DOCK3: variants seen among roughly 807,000 people sequenced by gnomAD.
The protein encoded by DOCK3 is dedicator of cytokinesis 3.
DOCK3 carries 60 observed loss-of-function variants against 265.6 expected under a neutral mutation model. The observed-to-expected ratio is 0.23, with a 90% confidence interval of 0.18 to 0.28. The LOEUF (loss-of-function observed/expected upper bound fraction) is 0.28. DOCK3 is among the 10% of genes least tolerant of loss of function. The pLI, the probability that DOCK3 is intolerant of heterozygous loss-of-function variation, is 1.00. For synonymous variants in DOCK3, 881 were observed against 938.0 expected, an observed-to-expected ratio of 0.94 and a Z score of 1.11; for missense variants, 1,981 against 2,594.3, an observed-to-expected ratio of 0.76 and a Z score of 5.14.
chr3:51,127,479 G>C (rs9841339), intron 9 of DOCK3, among the ~76,000 whole-genome samples: 1 of 152,172 alleles, frequency 6.6e-6, no homozygotes, highest in Non-Finnish European at 1.5e-5. Context: ...AACCGGAAAC[G>C]TACCAATCCC....
At chr3:50,847,882 CAA>C (rs3043428) in intron 3 of DOCK3, among the ~76,000 whole-genome samples, 322 of 97,612 alleles carry the variant, frequency 3.3e-3, no homozygotes, top group Non-Finnish European at 5.2e-3. Context: ...GGCTCCATTT[CAA>C]AAAAAAAAAA....
intron 33 of DOCK3, among the ~76,000 whole-genome samples, chr3:51,332,094 A>G (rs975174963): frequency 6.6e-6 from 1 of 152,236 alleles, no homozygotes; most frequent in Non-Finnish European, 1.5e-5. Flanking sequence ...TAGCAGCAGC[A>G]TTAACAGCAG....
chr3:51,154,361 G>T (rs551639208), intron 10 of DOCK3, among the ~76,000 whole-genome samples: 1 of 152,312 alleles, frequency 6.6e-6, no homozygotes, highest in African/African-American at 2.4e-5. Flanking sequence ...ACCCATGATG[G>T]CGGTTAAGGG....
At chr3:51,376,917 G>T (rs146150957) in intron 51 of DOCK3, among the ~76,000 whole-genome samples, 10 of 152,354 alleles carry the variant, frequency 6.6e-5, no homozygotes, top group African/African-American at 2.4e-4. Flanking sequence ...CTTCAAGGTC[G>T]TATATCCCGA....
intron 6 of DOCK3, among the ~76,000 whole-genome samples, chr3:51,072,704 A>G (rs1171779819): frequency 1.4e-4 from 21 of 151,938 alleles, no homozygotes; most frequent in Admixed American, 1.4e-3. Context: ...CATGGCGCTC[A>G]GCTGAAAACA....
intron 2 of DOCK3, among the ~76,000 whole-genome samples, chr3:50,822,828 T>C (rs2044522348): frequency 6.6e-6 from 1 of 152,192 alleles, no homozygotes; most frequent in Admixed American, 6.5e-5. Flanking sequence ...TACTTTACTT[T>C]GGTGGATAAA....
chr3:50,721,160 T>C (rs905156288), intron 1 of DOCK3, among the ~76,000 whole-genome samples: 5 of 152,194 alleles, frequency 3.3e-5, no homozygotes, highest in Non-Finnish European at 7.3e-5. Context: ...TTGTTTATTC[T>C]GTTGATAGTT....
intron 5 of DOCK3, among the ~76,000 whole-genome samples, chr3:51,009,170 T>G (rs901247649): frequency 1.1e-4 from 17 of 152,214 alleles, no homozygotes; most frequent in Non-Finnish European, 2.2e-4. Context: ...TTCTATTGAT[T>G]GGAATAGTTT....
At chr3:51,192,275 AG>A (rs1331912863) in intron 12 of DOCK3, among the ~76,000 whole-genome samples, 1 of 151,628 alleles carries the variant, frequency 6.6e-6, no homozygotes, top group East Asian at 2.0e-4. Flanking sequence ...GGTGAGAAAT[AG>A]GTGTCCTGTT....
At position 51,331,406 on chromosome 3, in the gene DOCK3, G is replaced by A. The variant is rs929333852; in HGVS notation, c.3488+1183G>A. Among the ~76,000 whole-genome samples, 12 of 152,092 alleles carry A rather than the reference G, an allele frequency of 7.9e-5. No homozygotes were observed. In the South Asian group the frequency reaches 2.3e-3, roughly 29 times the overall value. The stretch of plus-strand genomic sequence containing the variant: ...CCACTAACAAATGACTACTACAAAG[G>A]AAAAAGTACAAAAATAATCTGTAAT... On this transcript the variant is annotated intron_variant, in intron 33 of 52. Coordinates refer to ENST00000266037, the MANE Select transcript of DOCK3 (RefSeq NM_004947.5).
At chr3:51,363,776 G>A (rs888134226) in intron 49 of DOCK3, among the ~76,000 whole-genome samples, 6 of 152,252 alleles carry the variant, frequency 3.9e-5, no homozygotes, top group Non-Finnish European at 7.3e-5. Flanking sequence ...TCAGAATGAT[G>A]GATTCCAGCT....
intron 2 of DOCK3, among the ~76,000 whole-genome samples, chr3:50,785,325 A>T (rs982203135): frequency 1.3e-5 from 2 of 151,990 alleles, no homozygotes; most frequent in Non-Finnish European, 2.9e-5. Context: ...CTCTTGTCTG[A>T]TTGCTGTGGC....
intron 4 of DOCK3, chr3:50,901,774 G>T (rs1022055533): frequency 3.5e-5 from 15 of 432,752 alleles, no homozygotes; most frequent in African/African-American, 2.6e-4. Flanking sequence ...ACCCTACCCT[G>T]CTTCAGCTCT....
At chr3:50,817,732 T>A (rs1269708768) in intron 2 of DOCK3, among the ~76,000 whole-genome samples, 3 of 152,024 alleles carry the variant, frequency 2.0e-5, no homozygotes, top group Non-Finnish European at 4.4e-5. Flanking sequence ...TTCCTCTGAG[T>A]CTCCTTTTTC....
intron 5 of DOCK3, among the ~76,000 whole-genome samples, chr3:50,956,901 C>T (rs1041649056): frequency 6.6e-6 from 1 of 152,044 alleles, no homozygotes; most frequent in Non-Finnish European, 1.5e-5. Flanking sequence ...CTTGCTTTGT[C>T]GCCCAGGCTG....
intron 1 of DOCK3, chr3:50,719,800 ACT>A (rs1455387792): frequency 1.8e-5 from 15 of 821,164 alleles, no homozygotes; most frequent in Non-Finnish European, 3.0e-5. Flanking sequence ...TGACACATAA[ACT>A]CTGGAATAAT....
chr3:50,856,712 T>A (rs1379793933), intron 3 of DOCK3, among the ~76,000 whole-genome samples: 1 of 152,122 alleles, frequency 6.6e-6, no homozygotes, highest in Non-Finnish European at 1.5e-5. Flanking sequence ...AGCTAGGAAT[T>A]CCAGTAGTAT....
chr3:51,334,719 G>C (rs2084751207), intron 35 of DOCK3, among the ~76,000 whole-genome samples: 1 of 152,214 alleles, frequency 6.6e-6, no homozygotes, highest in Admixed American at 6.5e-5. Context: ...GGTGGGTAAA[G>C]TGCTGCACCT....
chr3:51,320,217 G>A (rs890116546), intron 32 of DOCK3, among the ~76,000 whole-genome samples: 1 of 152,118 alleles, frequency 6.6e-6, no homozygotes, highest in African/African-American at 2.4e-5. Flanking sequence ...AGCACAAGGG[G>A]TCGGGGAATT....
Sources: allele counts gnomAD v4.1 joint callset (sites outside exome capture counted in the v4.1 genomes callset), GRCh38; gene constraint gnomAD v4.1.1; transcripts MANE v1.5; gene names NCBI Gene and HGNC (gene_info 2026-07-23, HGNC 2026-07-21).